CCDC63: variants seen among roughly 807,000 people sequenced by gnomAD.
The protein encoded by CCDC63 is coiled-coil domain-containing protein 63.
CCDC63 carries 54 observed loss-of-function variants against 63.6 expected under a neutral mutation model. The ratio of observed to expected loss-of-function variants is 0.85; its 90% CI spans 0.68 to 1.07. The LOEUF is 1.07. Among genes scored for constraint, CCDC63 ranks in the 50% least tolerant of loss-of-function variants. The probability of loss-of-function intolerance (pLI) is 0.00; values close to 1 mark genes in which losing one functional copy is unlikely to be tolerated. For missense variants in CCDC63, 637 were observed against 689.6 expected, an observed-to-expected ratio of 0.92 and a Z score of 0.86; for synonymous variants, 253 against 266.1, an observed-to-expected ratio of 0.95 and a Z score of 0.48.
intron 4 of CCDC63, among the ~76,000 whole-genome samples, chr12:110,864,438 A>AAG (rs3059138): frequency 0.22 from 32,952 of 149,526 alleles, 3,779 homozygotes; most frequent in Admixed American, 0.25. Flanking sequence ...AAAAAAAAAA[A>AAG]AGAGACTGGG....
In CCDC63 at chr12:110,861,977, G is replaced by A. The variant is rs577763640; in HGVS notation, c.369+3202G>A. Among the ~76,000 whole-genome samples, 8 of 152,090 alleles carry A rather than the reference G, an allele frequency of 5.3e-5. No individual in the cohort carries two copies. The East Asian group carries it at 1.4e-3, about 26-fold the overall frequency. ...TGTCTCCTGTCCCCTAGGGCTTGAC[G>A]CCCCCTTCGTGGCTTGTTTCCAGTC... On this transcript the variant is annotated intron_variant, in intron 4 of 11. Coordinates refer to ENST00000308208, the MANE Select transcript of CCDC63 (RefSeq NM_152591.3).
intron 4 of CCDC63, among the ~76,000 whole-genome samples, chr12:110,867,838 G>A (rs11065737): frequency 2.4e-3 from 368 of 150,434 alleles, no homozygotes; most frequent in African/African-American, 7.6e-3. Flanking sequence ...GGGCAGAGGC[G>A]CCCCTCACCT....
intron 6 of CCDC63, among the ~76,000 whole-genome samples, chr12:110,880,416 A>T (rs1190761430): frequency 6.6e-6 from 1 of 152,086 alleles, no homozygotes; most frequent in Non-Finnish European, 1.5e-5. Context: ...GTGCTGTACC[A>T]TCTCCTCCAA....
At chr12:110,903,978 G>T (rs140891020) in intron 10 of CCDC63, among the ~76,000 whole-genome samples, 257 of 152,204 alleles carry the variant, frequency 1.7e-3, no homozygotes, top group African/African-American at 6.0e-3. Flanking sequence ...TTTCCTAATT[G>T]CCCTCCTTGT....
chr12:110,904,206 G>T (rs1206797951), intron 10 of CCDC63, among the ~76,000 whole-genome samples: 1 of 151,992 alleles, frequency 6.6e-6, no homozygotes, highest in African/African-American at 2.4e-5. Context: ...GCTGGGCACG[G>T]TGTCATATGT....
Position 110,852,886 on chromosome 12 carries a change from G to A in CCDC63, c.-69G>A, listed in dbSNP as rs2136640985. 2.5e-6 allele frequency: 4 copies of A among 1,612,896 alleles called. 1 individual carries two copies. The highest frequency in any genetic ancestry group is 3.3e-4 in the Middle Eastern group (2 of 6,048). ...CATTGCAGAGAGACAGAGAGAGAGA[G>A]GAAGGCTCACTGGCTTTGAGCTCTC... On this transcript the variant is annotated 5_prime_UTR_variant, in exon 2 of 12. Transcript: ENST00000308208.
At position 110,873,862 on chromosome 12, in the gene CCDC63, A is replaced by AT; in HGVS notation, c.390_391insT (p.Ile131TyrfsTer16). 1.2e-6 allele frequency: 2 copies of AT among 1,613,222 alleles called. No individual in the cohort carries two copies. The highest frequency in any genetic ancestry group is 1.7e-6 in the Non-Finnish European group (2 of 1,179,820). On this transcript the variant is annotated frameshift_variant, in exon 5 of 12. Coordinates refer to ENST00000308208, the MANE Select transcript of CCDC63 (RefSeq NM_152591.3). LOFTEE classifies it high-confidence loss of function. Reference sequence around the variant, plus strand: ...TTCAGATTCTTCAGATGGAAAAAAAAATCGCAAACCAAAAACAGATTTTCG... The same window carrying AT: ...TTCAGATTCTTCAGATGGAAAAAAAATATCGCAAACCAAAAACAGATTTTCG...
intron 9 of CCDC63, among the ~76,000 whole-genome samples, chr12:110,898,273 A>G (rs117678558): frequency 0.023 from 3,544 of 151,624 alleles, 68 homozygotes; most frequent in Middle Eastern, 0.048. Context: ...TAGGTGACAG[A>G]GTGAGACCTT....
At chr12:110,863,234 C>T (rs1424710399) in intron 4 of CCDC63, among the ~76,000 whole-genome samples, 4 of 151,296 alleles carry the variant, frequency 2.6e-5, no homozygotes, top group Admixed American at 6.6e-5. Flanking sequence ...GCAGGTGAAG[C>T]CCTTTAGTCT....
At chr12:110,858,521 C>T in intron 3 of CCDC63, 65 bp from the exon 4 acceptor site, 1 of 1,460,856 alleles carries the variant, frequency 6.8e-7, no homozygotes, top group Non-Finnish European at 9.3e-7. Flanking sequence ...GGCTGATGTG[C>T]CTGGAGTGCT....
intron 6 of CCDC63, among the ~76,000 whole-genome samples, chr12:110,880,670 A>C (rs1431500445): frequency 1.3e-3 from 3 of 2,358 alleles, no homozygotes; most frequent in Non-Finnish European, 2.9e-3. Context: ...AGTGGTGATG[A>C]TGGTGGTGAC....
chr12:110,905,043 T>A (rs1285575262), intron 11 of CCDC63, among the ~76,000 whole-genome samples: 1 of 152,136 alleles, frequency 6.6e-6, no homozygotes, highest in Non-Finnish European at 1.5e-5. Flanking sequence ...ATTTTGGATA[T>A]TTTTAAAAGT....
intron 8 of CCDC63, among the ~76,000 whole-genome samples, chr12:110,886,761 G>C (rs1025222350): frequency 2.5e-4 from 38 of 152,108 alleles, no homozygotes; most frequent in African/African-American, 9.2e-4. Flanking sequence ...GCATGGGGAG[G>C]TGTGGGGTGG....
At chr12:110,876,746 A>G (rs2071135317) in intron 5 of CCDC63, among the ~76,000 whole-genome samples, 1 of 152,128 alleles carries the variant, frequency 6.6e-6, no homozygotes, top group South Asian at 2.1e-4. Flanking sequence ...TTATTAAAAA[A>G]AAATAAACCA....
At chr12:110,885,946 GTAA>G (rs780715573) in intron 8 of CCDC63, among the ~76,000 whole-genome samples, 1 of 152,194 alleles carries the variant, frequency 6.6e-6, no homozygotes. Context: ...AGGGTAGTAA[GTAA>G]TAATAACAGT....
intron 4 of CCDC63, among the ~76,000 whole-genome samples, chr12:110,867,583 C>T (rs2070984031): frequency 7.1e-6 from 1 of 140,932 alleles, no homozygotes; most frequent in African/African-American, 2.7e-5. Flanking sequence ...GGGCTGACCC[C>T]CCCACCTCCC....
intron 4 of CCDC63, among the ~76,000 whole-genome samples, chr12:110,865,828 C>G (rs2070940137): frequency 6.6e-6 from 1 of 152,226 alleles, no homozygotes; most frequent in African/African-American, 2.4e-5. Flanking sequence ...CCTCTTCAAA[C>G]GTATTGCATC....
rs2136748946 is a variant in CCDC63, at chr12:110,902,777, G to GCACA, written c.1343-1810_1343-1807dup. Among the ~76,000 whole-genome samples, 2 of 152,116 alleles carry GCACA rather than the reference G, an allele frequency of 1.3e-5. 1 individual carries two copies. The highest frequency in any genetic ancestry group is 4.1e-4 in the South Asian group (2 of 4,820). The stretch of plus-strand genomic sequence containing the variant: ...CTGTTGCCCAGGTGGAAGTGCAGTG[G>GCACA]CACAATCTTGGCTCACTGCAACCTC... On this transcript the variant is annotated intron_variant, in intron 10 of 11. Coordinates refer to ENST00000308208, the MANE Select transcript of CCDC63 (RefSeq NM_152591.3).
chr12:110,851,702 A>G (rs1324511733), intron 1 of CCDC63, among the ~76,000 whole-genome samples: 1 of 152,090 alleles, frequency 6.6e-6, no homozygotes, highest in Non-Finnish European at 1.5e-5. Flanking sequence ...ACCCTCATCA[A>G]CATTCACCAC....
Sources: allele counts gnomAD v4.1 joint callset (sites outside exome capture counted in the v4.1 genomes callset), GRCh38; gene constraint gnomAD v4.1.1; transcripts MANE v1.5; gene names NCBI Gene and HGNC (gene_info 2026-07-23, HGNC 2026-07-21).